ZFAND3: variants seen among roughly 807,000 people sequenced by gnomAD.
ZFAND3 encodes zinc finger AN1-type containing 3.
A neutral mutation model predicts 29.6 loss-of-function variants in ZFAND3; 10 were observed. The ratio of observed to expected loss-of-function variants is 0.34; its 90% CI spans 0.21 to 0.57. The LOEUF is 0.57. Among genes scored for constraint, ZFAND3 ranks in the 20% least tolerant of loss-of-function variants. The probability of loss-of-function intolerance (pLI) is 0.86; values close to 1 mark genes in which losing one functional copy is unlikely to be tolerated. For missense variants in ZFAND3, 230 were observed against 304.5 expected, an observed-to-expected ratio of 0.76 and a Z score of 1.82; for synonymous variants, 128 against 112.6, an observed-to-expected ratio of 1.14 and a Z score of -0.87.
chr6:38,137,891 A>T (rs541969335), intron 5 of ZFAND3, among the ~76,000 whole-genome samples: 1 of 152,274 alleles, frequency 6.6e-6, no homozygotes, highest in Admixed American at 6.5e-5. Context: ...GCGGGAGGAG[A>T]GTGGAGACGC....
intron 2 of ZFAND3, among the ~76,000 whole-genome samples, chr6:38,042,390 C>T (rs527620371): frequency 2.7e-5 from 4 of 148,314 alleles, no homozygotes; most frequent in African/African-American, 7.4e-5. Flanking sequence ...TCTCGGCTCA[C>T]TGCAACTCCA....
At chr6:38,130,596 TTG>T (rs1470074502) in intron 5 of ZFAND3, among the ~76,000 whole-genome samples, 1 of 152,256 alleles carries the variant, frequency 6.6e-6, no homozygotes, top group East Asian at 1.9e-4. Context: ...TCAATTATGT[TTG>T]TGTGGTATAT....
intron 1 of ZFAND3, among the ~76,000 whole-genome samples, chr6:37,840,750 A>G (rs557707241): frequency 2.0e-4 from 31 of 152,332 alleles, no homozygotes; most frequent in Admixed American, 1.9e-3. Context: ...AGTTCTTTCA[A>G]CAACATTTTG....
intron 2 of ZFAND3, among the ~76,000 whole-genome samples, chr6:38,004,381 A>G (rs2127440968): frequency 6.6e-6 from 1 of 151,964 alleles, no homozygotes; most frequent in African/African-American, 2.4e-5. Context: ...CCTCTGCAGG[A>G]TTTTTATTTC....
intron 5 of ZFAND3, among the ~76,000 whole-genome samples, chr6:38,139,338 A>G (rs577976068): frequency 6.6e-6 from 1 of 152,300 alleles, no homozygotes; most frequent in East Asian, 1.9e-4. Flanking sequence ...TTACAGAAGC[A>G]TGGTGCTTGA....
chr6:38,042,020 G>A (rs989794835), intron 2 of ZFAND3, among the ~76,000 whole-genome samples: 1 of 149,148 alleles, frequency 6.7e-6, no homozygotes, highest in Non-Finnish European at 1.5e-5. Flanking sequence ...GGGGGAGGGG[G>A]AGAGACAGGG....
At chr6:38,021,991 T>C (rs1763362903) in intron 2 of ZFAND3, among the ~76,000 whole-genome samples, 3 of 152,216 alleles carry the variant, frequency 2.0e-5, no homozygotes, top group Non-Finnish European at 4.4e-5. Flanking sequence ...ACAAACCTAA[T>C]CTTGTGATTT....
intron 1 of ZFAND3, among the ~76,000 whole-genome samples, chr6:37,839,325 C>T (rs1284818417): frequency 1.3e-5 from 2 of 150,410 alleles, no homozygotes; most frequent in African/African-American, 4.9e-5. Context: ...GGACTACAGA[C>T]GCGTGCCACC....
Position 37,867,872 on chromosome 6 carries a change from C to T in ZFAND3, c.71+47856C>T, listed in dbSNP as rs1764617257. On this transcript the variant is annotated intron_variant, in intron 1 of 5. Coordinates refer to ENST00000287218, the MANE Select transcript of ZFAND3 (RefSeq NM_021943.3). ...TTTGGGTGAAAGACTGGATTCTTGC[C>T]TTGGCTTTCTTACTTGAGTATATGA... Among the ~76,000 whole-genome samples the T allele has an allele frequency of 1.3e-5, 2 of 152,108 alleles. 1 individual carries two copies. Among genetic ancestry groups the T allele is most frequent in the South Asian group, 4.1e-4 (2 of 4,826 alleles).
chr6:38,063,101 T>C (rs1440804489), intron 3 of ZFAND3, among the ~76,000 whole-genome samples: 1 of 152,108 alleles, frequency 6.6e-6, no homozygotes, highest in African/African-American at 2.4e-5. Context: ...GAAAGCTAAG[T>C]TGAAATTTAG....
intron 3 of ZFAND3, among the ~76,000 whole-genome samples, chr6:38,070,551 ATAT>A (rs1764432583): frequency 6.6e-6 from 1 of 152,124 alleles, no homozygotes; most frequent in South Asian, 2.1e-4. Flanking sequence ...CTCCTGCATA[ATAT>A]TCTATATTGC....
chr6:37,889,550 C>T, intron 1 of ZFAND3, among the ~76,000 whole-genome samples: 1 of 152,172 alleles, frequency 6.6e-6, no homozygotes, highest in East Asian at 1.9e-4. Flanking sequence ...GTGTCTTAGA[C>T]ATTGAATTTA....
chr6:38,037,980 G>T (rs1460084694), intron 2 of ZFAND3, among the ~76,000 whole-genome samples: 1 of 152,156 alleles, frequency 6.6e-6, no homozygotes, highest in African/African-American at 2.4e-5. Flanking sequence ...ATATGAGGGG[G>T]TTATGTGGAA....
intron 1 of ZFAND3, among the ~76,000 whole-genome samples, chr6:37,896,570 C>CTTTCTTTCTTTCTTTCTTTCTT (rs1554153801): frequency 3.2e-5 from 4 of 124,598 alleles, no homozygotes; most frequent in South Asian, 2.5e-4. Context: ...TTCTTTCTTT[C>CTTTCTTTCTTTCTTTCTTTCTT]TCTCTTTCTC....
intron 5 of ZFAND3, among the ~76,000 whole-genome samples, chr6:38,123,887 A>T (rs1765580465): frequency 6.6e-6 from 1 of 152,140 alleles, no homozygotes; most frequent in Non-Finnish European, 1.5e-5. Context: ...CCAAAGAGTG[A>T]GCAGCAGCAA....
intron 2 of ZFAND3, among the ~76,000 whole-genome samples, chr6:37,965,081 A>G (rs1378952227): frequency 6.6e-6 from 1 of 152,228 alleles, no homozygotes; most frequent in African/African-American, 2.4e-5. Flanking sequence ...ACCTATGACA[A>G]TTCAGTATTT....
At chr6:38,092,482 TAGG>T (rs1184090434) in intron 4 of ZFAND3, among the ~76,000 whole-genome samples, 2 of 152,210 alleles carry the variant, frequency 1.3e-5, no homozygotes, top group South Asian at 2.1e-4. Flanking sequence ...TGCCAATCAT[TAGG>T]AGCAAATATA....
rs1766043099 is a variant in ZFAND3, at chr6:38,144,208, TATAATATATAATATATA to T, written c.530-8026_530-8010del. 6.9e-5 allele frequency among the ~76,000 whole-genome samples: 3 copies of T among 43,474 alleles called. No homozygotes were observed. In the South Asian group the frequency reaches 1.5e-3, roughly 21 times the overall value. The allele number at this position is 43,474 out of a possible 152,430, so 28.5% of individuals were successfully genotyped here. On this transcript the variant is annotated intron_variant, in intron 5 of 5. Transcript: ENST00000287218. ...TAATATATATATATATATATATATA[TATAATATATAATATATA>T]TATATATTTTTTTTTTAATAAGGTT...
At chr6:37,993,684 T>C (rs181737408) in intron 2 of ZFAND3, among the ~76,000 whole-genome samples, 5 of 152,312 alleles carry the variant, frequency 3.3e-5, no homozygotes, top group Admixed American at 6.5e-5. Context: ...GAACTGCTTA[T>C]TGTTACCAAT....
Sources: gnomAD v4.1 joint callset for allele counts (sites outside exome capture counted in the v4.1 genomes callset) on GRCh38, gnomAD v4.1.1 for gene constraint, MANE v1.5 for transcripts, NCBI Gene and HGNC (gene_info 2026-07-23, HGNC 2026-07-21) for gene names.